Variants in DRC8 observed in about 807,000 individuals in gnomAD.
DRC8 encodes dynein regulatory complex protein 8.
At chr1:245,017,289 G>C in the DRC8 span, 1 of 1,609,520 alleles carries the variant, frequency 6.2e-7, no homozygotes, top group African/African-American at 1.3e-5. Flanking sequence ...GGCATTTGAA[G>C]TCTTTGACCA....
the DRC8 span, among the ~76,000 whole-genome samples, chr1:245,117,552 G>A: frequency 6.6e-6 from 1 of 151,574 alleles, no homozygotes; most frequent in Admixed American, 6.6e-5. Flanking sequence ...GCCTCCCAAG[G>A]AGCTGGGATT....
the DRC8 span, among the ~76,000 whole-genome samples, chr1:244,977,821 A>C: frequency 6.6e-6 from 1 of 152,326 alleles, no homozygotes; most frequent in South Asian, 2.1e-4. Flanking sequence ...AAATTTGAAA[A>C]TATAGATAAC....
chr1:245,099,653 G>T, the DRC8 span, among the ~76,000 whole-genome samples: 25 of 152,234 alleles, frequency 1.6e-4, no homozygotes, highest in African/African-American at 5.3e-4. Flanking sequence ...TGAAGCCCCA[G>T]TTCTGTGGGA....
the DRC8 span, among the ~76,000 whole-genome samples, chr1:245,060,724 G>A: frequency 6.6e-6 from 1 of 152,200 alleles, no homozygotes; most frequent in African/African-American, 2.4e-5. Context: ...ATCATCACAT[G>A]CTCAGGATAG....
the DRC8 span, among the ~76,000 whole-genome samples, chr1:245,061,086 T>TA: frequency 6.6e-6 from 1 of 152,204 alleles, no homozygotes; most frequent in Admixed American, 6.5e-5. Context: ...GTAGAACAAA[T>TA]ACCACATCTA....
the DRC8 span, among the ~76,000 whole-genome samples, chr1:245,017,520 T>C: frequency 6.6e-6 from 1 of 151,658 alleles, no homozygotes; most frequent in African/African-American, 2.4e-5. Context: ...CTTCATACTC[T>C]GGTAGAAACA....
chr1:245,055,495 A>G, the DRC8 span, among the ~76,000 whole-genome samples: 2 of 151,876 alleles, frequency 1.3e-5, no homozygotes, highest in African/African-American at 4.8e-5. Flanking sequence ...AATTTTTAAA[A>G]TTTTTTGTAG....
the DRC8 span, among the ~76,000 whole-genome samples, chr1:245,068,430 T>C: frequency 3.9e-5 from 6 of 152,158 alleles, no homozygotes; most frequent in East Asian, 1.2e-3. Flanking sequence ...GACTGTAATT[T>C]TTTTTGTTGC....
At chr1:245,022,548 T>C in the DRC8 span, among the ~76,000 whole-genome samples, 1 of 152,194 alleles carries the variant, frequency 6.6e-6, no homozygotes, top group African/African-American at 2.4e-5. Context: ...ATAGATGATA[T>C]ATGTACATGG....
chr1:245,083,514 C>T, the DRC8 span: 11 of 1,596,274 alleles, frequency 6.9e-6, no homozygotes, highest in East Asian at 6.8e-5. Context: ...TATGCATATA[C>T]ATATATATAA....
At chr1:245,073,715 AATAC>A in the DRC8 span, among the ~76,000 whole-genome samples, 2 of 152,204 alleles carry the variant, frequency 1.3e-5, no homozygotes, top group Non-Finnish European at 2.9e-5. Context: ...ATGTATATAT[AATAC>A]ATACACAAAT....
the DRC8 span, among the ~76,000 whole-genome samples, chr1:245,052,021 G>T: frequency 6.6e-6 from 1 of 152,102 alleles, no homozygotes; most frequent in African/African-American, 2.4e-5. Context: ...AGTGCAGTGG[G>T]TGATAAGGAC....
At chr1:245,068,602 C>T in the DRC8 span, among the ~76,000 whole-genome samples, 29 of 151,676 alleles carry the variant, frequency 1.9e-4, no homozygotes, top group East Asian at 5.4e-3. Context: ...CCACCACTCC[C>T]AGCTAATTTT....
At chr1:245,102,366 T>TTTA in the DRC8 span, among the ~76,000 whole-genome samples, 1 of 76,198 alleles carries the variant, frequency 1.3e-5, no homozygotes, top group Non-Finnish European at 3.3e-5. Flanking sequence ...TTATTTATTT[T>TTTA]TGAGATGGAG....
At chr1:245,069,996 C>T in the DRC8 span, among the ~76,000 whole-genome samples, 7 of 152,010 alleles carry the variant, frequency 4.6e-5, no homozygotes, top group East Asian at 1.9e-4. Flanking sequence ...AGTGAGCTAT[C>T]GTGGCACCAC....
At chr1:245,110,618 A>T in the DRC8 span, among the ~76,000 whole-genome samples, 1 of 152,278 alleles carries the variant, frequency 6.6e-6, no homozygotes, top group Non-Finnish European at 1.5e-5. Flanking sequence ...TGAGGGCCAG[A>T]GCAGGGCCTT....
chr1:245,108,964 C>T, the DRC8 span, among the ~76,000 whole-genome samples: 7 of 152,138 alleles, frequency 4.6e-5, no homozygotes, highest in African/African-American at 9.6e-5. Context: ...GAACCTGAAA[C>T]GAGGATTCTG....
At chr1:245,069,098 C>G in the DRC8 span, among the ~76,000 whole-genome samples, 1 of 152,056 alleles carries the variant, frequency 6.6e-6, no homozygotes, top group Admixed American at 6.6e-5. Flanking sequence ...TACAGTTGAC[C>G]CTTAAACAAC....
the DRC8 span, among the ~76,000 whole-genome samples, chr1:244,990,574 T>C: frequency 5.3e-5 from 8 of 152,196 alleles, no homozygotes; most frequent in Non-Finnish European, 1.0e-4. Flanking sequence ...GCTCAAATTG[T>C]TTCAGCTTTG....
Sources: gnomAD v4.1 joint callset for allele counts (sites outside exome capture counted in the v4.1 genomes callset) on GRCh38, gnomAD v4.1.1 for gene constraint, MANE v1.5 for transcripts, NCBI Gene and HGNC (gene_info 2026-07-23, HGNC 2026-07-21) for gene names.